Variants in IPO11 observed in about 807,000 individuals in gnomAD.
IPO11 encodes importin 11, also known as importin-11.
In IPO11, 66 loss-of-function variants were observed where a neutral mutation model predicts 143.2. The observed-to-expected ratio is 0.46, with a 90% CI of 0.38 to 0.57. IPO11 has a LOEUF of 0.57. Ranked by LOEUF, IPO11 falls within the 20% of genes least tolerant of loss-of-function variation. The pLI is 0.00. For missense variants in IPO11, 1,026 were observed against 1,141.0 expected, an observed-to-expected ratio of 0.90 and a Z score of 1.45; for synonymous variants, 385 against 377.8, an observed-to-expected ratio of 1.02 and a Z score of -0.22.
At chr5:62,495,467 T>C (rs1325662409) in intron 16 of IPO11, among the ~76,000 whole-genome samples, 2 of 151,860 alleles carry the variant, frequency 1.3e-5, no homozygotes, top group African/African-American at 4.8e-5. Flanking sequence ...TTGCTTGGAG[T>C]TTTTCTTTTT....
In IPO11 at chr5:62,483,238, T is replaced by A. The variant is rs1161349348; in HGVS notation, c.966T>A (p.Asn322Lys). Residue 322 changes from asparagine (N) to lysine (K), a missense_variant, in exon 10 of 30, where the codon AAT (asparagine) becomes AAA (lysine). Asn to Lys is a moderately conservative substitution (Grantham distance 94, BLOSUM62 0). This residue lies in a region of IPO11 where 429 missense variants were observed against 456.3 expected (regional missense o/e 0.94). Transcript: ENST00000325324. ...AACGATTCATTGTCCAATGTATGAA[T>A]CTTATTAAGATGATTGTCAAAAATT... ...TFERFIVQCM[N>K]LIKMIVKNYA... 6.2e-7 allele frequency: 1 copy of A among 1,609,814 alleles called. No individual in the cohort carries two copies. The highest frequency in any genetic ancestry group is 2.2e-5 in the East Asian group (1 of 44,654).
chr5:62,552,460 T>C (rs2112351322), intron 26 of IPO11, among the ~76,000 whole-genome samples: 1 of 150,740 alleles, frequency 6.6e-6, no homozygotes, highest in African/African-American at 2.4e-5. Flanking sequence ...AATGGGGTAA[T>C]ATATATTTTT....
intron 26 of IPO11, among the ~76,000 whole-genome samples, chr5:62,556,502 G>A (rs1310532271): frequency 6.6e-6 from 1 of 152,114 alleles, no homozygotes; most frequent in East Asian, 1.9e-4. Flanking sequence ...GCTTTGAGAA[G>A]TCTAGGTGAG....
chr5:62,597,840 A>G (rs1745283266), intron 28 of IPO11, among the ~76,000 whole-genome samples: 1 of 152,190 alleles, frequency 6.6e-6, no homozygotes, highest in Non-Finnish European at 1.5e-5. Context: ...ATAAAGAATT[A>G]GTTGTTTCTG....
chr5:62,568,510 G>A (rs1262733142), intron 27 of IPO11, among the ~76,000 whole-genome samples: 2 of 140,758 alleles, frequency 1.4e-5, no homozygotes, highest in Admixed American at 1.5e-4. Context: ...GGAGACAGAG[G>A]TTGCAGTGGG....
chr5:62,532,448 C>T (rs1742583790), intron 22 of IPO11, among the ~76,000 whole-genome samples: 1 of 152,118 alleles, frequency 6.6e-6, no homozygotes, highest in Non-Finnish European at 1.5e-5. Context: ...ACCTCCGCCT[C>T]CCAGGTTCAA....
intron 19 of IPO11, among the ~76,000 whole-genome samples, chr5:62,508,596 C>T (rs1192726127): frequency 6.6e-6 from 1 of 151,268 alleles, no homozygotes; most frequent in Non-Finnish European, 1.5e-5. Context: ...CCTTTCCTCC[C>T]TTTCTCCCTC....
intron 19 of IPO11, 82 bp from the exon 20 acceptor site, chr5:62,515,306 A>G: frequency 7.5e-6 from 6 of 805,342 alleles, no homozygotes; most frequent in South Asian, 3.5e-5. Flanking sequence ...CTGGGACTTA[A>G]TAGTGCTCTC....
chr5:62,564,667 C>G (rs567911888), intron 27 of IPO11, among the ~76,000 whole-genome samples: 1 of 152,226 alleles, frequency 6.6e-6, no homozygotes, highest in African/African-American at 2.4e-5. Context: ...CAGTTGCACT[C>G]TCCTCTTCCT....
intron 7 of IPO11, among the ~76,000 whole-genome samples, chr5:62,474,025 A>C (rs1368293344): frequency 6.6e-6 from 1 of 152,208 alleles, no homozygotes; most frequent in Non-Finnish European, 1.5e-5. Context: ...TCTGGCTCTC[A>C]AGGAGCTTAT....
intron 7 of IPO11, among the ~76,000 whole-genome samples, chr5:62,470,895 T>A (rs994175906): frequency 6.9e-6 from 1 of 144,092 alleles, no homozygotes; most frequent in Non-Finnish European, 1.5e-5. Context: ...TGGTGCAGTC[T>A]TGGGTCTCTG....
chr5:62,425,493 T>C (rs867219495), intron 1 of IPO11, among the ~76,000 whole-genome samples: 1 of 152,036 alleles, frequency 6.6e-6, no homozygotes, highest in Non-Finnish European at 1.5e-5. Flanking sequence ...AATTTTTGCA[T>C]TTTTAGTAGA....
intron 1 of IPO11, among the ~76,000 whole-genome samples, chr5:62,422,027 T>C (rs1254554522): frequency 1.3e-5 from 2 of 152,130 alleles, no homozygotes; most frequent in African/African-American, 4.8e-5. Context: ...TATAGTCTGT[T>C]AAATTTAATC....
chr5:62,490,805 G>A (rs894739733), intron 15 of IPO11, among the ~76,000 whole-genome samples: 7 of 151,932 alleles, frequency 4.6e-5, no homozygotes, highest in African/African-American at 1.7e-4. Context: ...ACCCAGCCTG[G>A]AGTGCAGTGG....
chr5:62,627,144 TATCCCA>T lies in IPO11; in HGVS notation c.2764-9_2764-4del. The T allele has an allele frequency of 6.2e-7, 1 of 1,611,696 alleles. No homozygotes were observed. ...TTTTTGACAGTCTTGCTCCTCTCTGTATCCCACAGCTGGCCCTGAAGGACCCTGTTC... is the reference window on the plus strand; with the variant it reads ...TTTTTGACAGTCTTGCTCCTCTCTGTCAGCTGGCCCTGAAGGACCCTGTTC... On this transcript the variant is annotated splice_polypyrimidine_tract_variant and splice_region_variant and intron_variant, in intron 29 of 29. Transcript: ENST00000325324.
chr5:62,593,096 G>A (rs1313829972), intron 28 of IPO11, among the ~76,000 whole-genome samples: 4 of 152,168 alleles, frequency 2.6e-5, no homozygotes, highest in Non-Finnish European at 5.9e-5. Flanking sequence ...TAAAACACTA[G>A]TGATGAATGC....
rs1407601469 is a variant in IPO11, at chr5:62,628,457, G to A, written c.*1139G>A. The A allele has an allele frequency of 6.6e-6, 1 of 152,620 alleles. No individual in the cohort carries two copies. The highest frequency in any genetic ancestry group is 2.4e-5 in the African/African-American group (1 of 41,450). The allele number at this position is 152,620 out of a possible 1,614,324, so 9.5% of individuals were successfully genotyped here. On this transcript the variant is annotated 3_prime_UTR_variant, in exon 30 of 30. Transcript: ENST00000325324. ...ATCTTTCTATAGAAAGTTGGGTACA[G>A]TATGTAACTGCGGGAAACCCACTGC... is the stretch of plus-strand genomic sequence containing the variant.
At chr5:62,432,460 A>G (rs923658117) in intron 1 of IPO11, among the ~76,000 whole-genome samples, 2 of 152,190 alleles carry the variant, frequency 1.3e-5, no homozygotes, top group Admixed American at 1.3e-4. Flanking sequence ...TTAGGGTGAG[A>G]GAGAGCCCTG....
chr5:62,591,816 C>T, intron 28 of IPO11, 144 bp downstream of exon 28: 1 of 517,932 alleles, frequency 1.9e-6, no homozygotes, highest in Non-Finnish European at 3.3e-6. Context: ...TGTTATTTTG[C>T]TTGTAATATT....
Sources: gnomAD v4.1 joint callset for allele counts (sites outside exome capture counted in the v4.1 genomes callset) on GRCh38, gnomAD v4.1.1 for gene constraint, gnomAD v4.1.1 regional missense constraint, MANE v1.5 for transcripts, NCBI Gene and HGNC (gene_info 2026-07-23, HGNC 2026-07-21) for gene names.